Variants in AKAP13 observed in about 807,000 individuals in gnomAD.
The protein encoded by AKAP13 is A-kinase anchoring protein 13.
Under a neutral mutation model 264.5 loss-of-function variants are expected in AKAP13, and 80 were observed. That is an observed-to-expected ratio of 0.30 (90% CI 0.25 to 0.36). The LOEUF (loss-of-function observed/expected upper bound fraction) is 0.36. Ranked by LOEUF, AKAP13 falls within the 10% of genes least tolerant of loss-of-function variation. AKAP13 has a pLI of 1.00. For missense variants in AKAP13, 3,712 were observed against 3,435.2 expected (o/e 1.08, Z -2.01); for synonymous variants, 1,380 against 1,250.2 (o/e 1.10, Z -2.19).
chr15:85,597,431 T>G (rs911672325), intron 8 of AKAP13, among the ~76,000 whole-genome samples: 1 of 152,212 alleles, frequency 6.6e-6, no homozygotes, highest in African/African-American at 2.4e-5. Context: ...CTGGAGATTC[T>G]TAAATAGGAA....
intron 17 of AKAP13, among the ~76,000 whole-genome samples, chr15:85,693,890 T>C (rs1275479290): frequency 6.6e-6 from 1 of 152,228 alleles, no homozygotes; most frequent in East Asian, 1.9e-4. Flanking sequence ...TGAGCATGTT[T>C]AAGATAGGCC....
chr15:85,462,613 T>C (rs1380652389), intron 1 of AKAP13, among the ~76,000 whole-genome samples: 1 of 152,158 alleles, frequency 6.6e-6, no homozygotes, highest in African/African-American at 2.4e-5. Context: ...TAAACTTAGC[T>C]GATAAGGATT....
At chr15:85,684,040 G>A (rs1413277471) in intron 15 of AKAP13, among the ~76,000 whole-genome samples, 2 of 152,124 alleles carry the variant, frequency 1.3e-5, no homozygotes, top group African/African-American at 2.4e-5. Context: ...GATCTCTACC[G>A]TTAAGGAACT....
chr15:85,436,088 C>T (rs1314558572), intron 1 of AKAP13, among the ~76,000 whole-genome samples: 1 of 133,440 alleles, frequency 7.5e-6, no homozygotes, highest in East Asian at 2.2e-4. Context: ...CATGCAGAGA[C>T]ACACATAGGC....
chr15:85,736,207 C>CTT (rs878904305), intron 33 of AKAP13, 73 bp downstream of exon 33: 488 of 1,053,566 alleles, frequency 4.6e-4, no homozygotes, highest in Non-Finnish European at 5.2e-4. Flanking sequence ...TTGTTTTTTC[C>CTT]TTTTTTTTTT....
intron 29 of AKAP13, among the ~76,000 whole-genome samples, chr15:85,730,299 G>T (rs1661091049): frequency 6.6e-6 from 1 of 152,168 alleles, no homozygotes. Flanking sequence ...AATTTCCATG[G>T]TTTGCCAGAA....
chr15:85,722,873 A>G (rs1436146237), intron 25 of AKAP13, among the ~76,000 whole-genome samples, 199 bp from the exon 26 acceptor site: 1 of 152,106 alleles, frequency 6.6e-6, no homozygotes, highest in Admixed American at 6.5e-5. Flanking sequence ...TATTTATATC[A>G]TTGAAAACTT....
rs147772785 is a variant in AKAP13, at chr15:85,655,662, T to G, written c.4620T>G (p.Ser1540Arg). 3.4e-4 allele frequency: 544 copies of G among 1,614,200 alleles called. 2 individuals are homozygous for G. In the African/African-American group the frequency reaches 6.6e-3, roughly 20 times the overall value. Reference protein sequence around the residue: ...PGDVEEEEMDSITEVPANCSV... With the variant: ...PGDVEEEEMDRITEVPANCSV... ...ACGTGGAGGAGGAGGAGATGGACAG[T>G]ATCACTGAAGTGCCTGCAAACTGCT... The change falls in exon 11 of 37, where the codon AGT (serine) becomes AGG (arginine). Residue 1540 changes from serine to arginine, a missense_variant. Physicochemically the swap from Ser to Arg is moderately radical, Grantham distance 110. Coordinates refer to ENST00000394518, the MANE Select transcript of AKAP13 (RefSeq NM_007200.5).
intron 1 of AKAP13, among the ~76,000 whole-genome samples, chr15:85,471,363 C>T (rs1472077812): frequency 2.6e-5 from 4 of 151,982 alleles, no homozygotes; most frequent in African/African-American, 9.7e-5. Context: ...GGTGTGGTGG[C>T]AGGTGCCTGT....
rs770923084 is a variant in AKAP13 at position 85,585,694 on chromosome 15, A to G, written c.4040-8A>G. ...AAAATGTACTCTGTAACCCCCCTGC[A>G]CTTTCAGAAATGCCAGACGTGAAAG... is the stretch of plus-strand genomic sequence containing the variant. On this transcript the variant is annotated splice_region_variant and splice_polypyrimidine_tract_variant and intron_variant, in intron 7 of 36. Coordinates refer to ENST00000394518, the MANE Select transcript of AKAP13 (RefSeq NM_007200.5). 2 of 1,614,030 alleles carry G rather than the reference A, an allele frequency of 1.2e-6. No homozygotes were observed. The highest frequency in any genetic ancestry group is 2.7e-5 in the African/African-American group (2 of 74,950).
At chr15:85,729,214 G>A (rs1292015422) in intron 29 of AKAP13, among the ~76,000 whole-genome samples, 5 of 152,012 alleles carry the variant, frequency 3.3e-5, no homozygotes, top group African/African-American at 9.7e-5. Flanking sequence ...CAGGAGAATC[G>A]CTTGAACCCG....
At chr15:85,606,814 A>G (rs555380281) in intron 8 of AKAP13, among the ~76,000 whole-genome samples, 51 of 152,344 alleles carry the variant, frequency 3.3e-4, no homozygotes, top group Non-Finnish European at 6.6e-4. Flanking sequence ...GAATCTTGCA[A>G]GGAAAGGTGA....
intron 1 of AKAP13, among the ~76,000 whole-genome samples, chr15:85,386,025 A>T (rs1243845704): frequency 1.3e-5 from 2 of 151,966 alleles, no homozygotes; most frequent in Admixed American, 1.3e-4. Context: ...GGGCTTTTCC[A>T]TGTTGGCCAG....
intron 2 of AKAP13, among the ~76,000 whole-genome samples, chr15:85,493,059 C>T (rs553017259): frequency 7.9e-4 from 121 of 152,260 alleles, no homozygotes; most frequent in African/African-American, 2.6e-3. Context: ...CCTTGTTCTG[C>T]GCAAGGTGTA....
intron 6 of AKAP13, chr15:85,577,876 G>A: frequency 1.0e-6 from 1 of 961,722 alleles, no homozygotes; most frequent in Non-Finnish European, 1.2e-6. Flanking sequence ...AACTCAGTAA[G>A]TATTTAGGGC....
chr15:85,418,412 A>G (rs1272285547), intron 1 of AKAP13, among the ~76,000 whole-genome samples: 1 of 152,048 alleles, frequency 6.6e-6, no homozygotes, highest in Non-Finnish European at 1.5e-5. Context: ...CAGTGTGTGT[A>G]TTTTAGATGT....
intron 1 of AKAP13, among the ~76,000 whole-genome samples, chr15:85,468,634 G>T (rs1489498495): frequency 2.0e-5 from 3 of 152,158 alleles, no homozygotes; most frequent in African/African-American, 7.2e-5. Flanking sequence ...ACAACAAGTA[G>T]TTTCTAATAT....
chr15:85,619,786 A>C, intron 8 of AKAP13: 1 of 1,095,432 alleles, frequency 9.1e-7, no homozygotes, highest in Non-Finnish European at 1.1e-6. Context: ...CTTTCAGTCA[A>C]GATCTGCACA....
At chr15:85,737,755 G>A (rs963808175) in intron 33 of AKAP13, among the ~76,000 whole-genome samples, 2 of 151,872 alleles carry the variant, frequency 1.3e-5, no homozygotes, top group Admixed American at 6.6e-5. Context: ...CTCCTGCCTC[G>A]GCCTCCAGAG....
Sources: gnomAD v4.1 joint callset for allele counts (sites outside exome capture counted in the v4.1 genomes callset) on GRCh38, gnomAD v4.1.1 for gene constraint, MANE v1.5 for transcripts, NCBI Gene and HGNC (gene_info 2026-07-23, HGNC 2026-07-21) for gene names.